GDPD5: variants seen among roughly 807,000 people sequenced by gnomAD.
GDPD5 encodes the protein glycerophosphodiester phosphodiesterase 2.
Under a neutral mutation model 75.1 loss-of-function variants are expected in GDPD5, and 48 were observed. The observed-to-expected ratio is 0.64, with a 90% CI of 0.51 to 0.81. The LOEUF is 0.81. GDPD5 is among the 40% of genes least tolerant of loss of function. The pLI, the probability that GDPD5 is intolerant of heterozygous loss-of-function variation, is 0.00. For synonymous variants in GDPD5, 336 were observed against 339.0 expected, an observed-to-expected ratio of 0.99 and a Z score of 0.10; for missense variants, 706 against 822.6, an observed-to-expected ratio of 0.86 and a Z score of 1.73.
At chr11:75,463,861 C>G (rs527813945) in intron 3 of GDPD5, among the ~76,000 whole-genome samples, 2 of 152,348 alleles carry the variant, frequency 1.3e-5, no homozygotes, top group African/African-American at 4.8e-5. Context: ...GCCACTGCCT[C>G]TGGGCTTGTT....
chr11:75,441,330 C>T lies in GDPD5; in HGVS notation c.1326-20G>A. ...TAGTCCCTGTGGGGCAGGGGAGAGG[C>T]AGGTCAGCATGCGGACCCTGGCAGC... On this transcript the variant is annotated intron_variant, in intron 13 of 16. Transcript: ENST00000336898. 6.2e-7 allele frequency: 1 copy of T among 1,613,880 alleles called. No homozygotes were observed. Among genetic ancestry groups the T allele is most frequent in the Non-Finnish European group, 8.5e-7 (1 of 1,179,898 alleles).
chr11:75,512,281 GACACACACACAC>G lies in GDPD5; in HGVS notation c.-145+12917_-145+12928del, dbSNP rs145862089. 4.9e-3 allele frequency among the ~76,000 whole-genome samples: 608 copies of G among 123,160 alleles called. 2 individuals carry two copies. The highest frequency in any genetic ancestry group is 0.016 in the African/African-American group (517 of 33,046). The allele number at this position is 123,160 out of a possible 152,430, so 80.8% of individuals were successfully genotyped here. ...CTGGTAGAAGCATGAAATTGGGAAG[GACACACACACAC>G]ACACACACACACACACACACACACA... On this transcript the variant is annotated intron_variant, in intron 1 of 16. Transcript: ENST00000336898.
At chr11:75,507,339 T>A (rs1950421859) in intron 1 of GDPD5, among the ~76,000 whole-genome samples, 1 of 152,234 alleles carries the variant, frequency 6.6e-6, no homozygotes, top group Non-Finnish European at 1.5e-5. Flanking sequence ...CCCCTCACCC[T>A]GCTTTGCTGT....
chr11:75,509,357 T>A (rs1950467735), intron 1 of GDPD5, among the ~76,000 whole-genome samples: 1 of 152,180 alleles, frequency 6.6e-6, no homozygotes, highest in Non-Finnish European at 1.5e-5. Flanking sequence ...CTGGCCTGTG[T>A]GTGCGACTTG....
In GDPD5 at chr11:75,486,292, C is replaced by G. The variant is rs7939450; in HGVS notation, c.-61+3945G>C. Among the ~76,000 whole-genome samples, 645 of 152,302 alleles carry G rather than the reference C, an allele frequency of 4.2e-3. 4 individuals carry two copies. Among genetic ancestry groups the G allele is most frequent in the African/African-American group, 0.015 (623 of 41,560 alleles). ...CACGACTAATCACTGGGCATCCTGA[C>G]AGTCACCCTCCTGGGACGCAGTTCA... On this transcript the variant is annotated intron_variant, in intron 2 of 16. Transcript: ENST00000336898.
chr11:75,492,730 T>C (rs537766999), intron 1 of GDPD5, among the ~76,000 whole-genome samples: 3 of 152,240 alleles, frequency 2.0e-5, no homozygotes, highest in African/African-American at 7.2e-5. Context: ...CAAGTGAATA[T>C]AGGGTTTTAT....
At chr11:75,496,328 C>T (rs927847082) in intron 1 of GDPD5, among the ~76,000 whole-genome samples, 17 of 152,234 alleles carry the variant, frequency 1.1e-4, no homozygotes, top group Admixed American at 2.6e-4. Context: ...CTCTTCCTGG[C>T]ATGTTTCACA....
intron 2 of GDPD5, among the ~76,000 whole-genome samples, chr11:75,486,646 C>G (rs1214311234): frequency 6.6e-6 from 1 of 152,180 alleles, no homozygotes; most frequent in East Asian, 1.9e-4. Flanking sequence ...ATGAAACCAC[C>G]TTAGCCCTGC....
intron 1 of GDPD5, among the ~76,000 whole-genome samples, chr11:75,507,449 G>C (rs543899642): frequency 1.3e-5 from 2 of 152,260 alleles, no homozygotes; most frequent in Non-Finnish European, 2.9e-5. Context: ...GTCACATAGA[G>C]AACTGGTGGC....
intron 1 of GDPD5, chr11:75,508,026 C>T (rs1460741406): frequency 1.3e-5 from 2 of 151,962 alleles, no homozygotes; most frequent in Non-Finnish European, 2.9e-5. Flanking sequence ...TCACAATGAG[C>T]CTGAGAATTA....
At chr11:75,521,475 G>A (rs1941453434) in intron 1 of GDPD5, among the ~76,000 whole-genome samples, 1 of 152,180 alleles carries the variant, frequency 6.6e-6, no homozygotes, top group African/African-American at 2.4e-5. Flanking sequence ...GATAACAGTA[G>A]CTACCTCAGG....
rs1276730285 is a variant in GDPD5 at position 75,474,601 on chromosome 11, G to A, written c.117+3018C>T. 2.0e-5 allele frequency among the ~76,000 whole-genome samples: 3 copies of A among 152,168 alleles called. No homozygotes were observed. In the East Asian group the frequency reaches 5.8e-4, roughly 29 times the overall value. On this transcript the variant is annotated intron_variant, in intron 3 of 16. Transcript: ENST00000336898. Reference sequence around the variant, plus strand: ...TCCTGCTTCTTTATTTGTTAAGCGTGTATCCTGGGGGACTGGGGGGCAAAG... The same window carrying A: ...TCCTGCTTCTTTATTTGTTAAGCGTATATCCTGGGGGACTGGGGGGCAAAG...
intron 1 of GDPD5, among the ~76,000 whole-genome samples, chr11:75,515,443 C>T (rs1169749141): frequency 6.6e-6 from 1 of 152,252 alleles, no homozygotes; most frequent in African/African-American, 2.4e-5. Flanking sequence ...ATCACAAGGC[C>T]TGGCAGCATT....
chr11:75,514,845 G>A (rs1031055589), intron 1 of GDPD5, among the ~76,000 whole-genome samples: 2 of 152,238 alleles, frequency 1.3e-5, no homozygotes, highest in African/African-American at 4.8e-5. Flanking sequence ...CATGATGAGG[G>A]CAACTGTAGC....
intron 1 of GDPD5, among the ~76,000 whole-genome samples, chr11:75,498,289 C>T (rs543913970): frequency 6.6e-6 from 1 of 152,178 alleles, no homozygotes; most frequent in African/African-American, 2.4e-5. Flanking sequence ...GGAAGGGCAA[C>T]CTGTTTATTT....
intron 9 of GDPD5, chr11:75,448,557 C>A: frequency 1.0e-6 from 1 of 991,628 alleles, no homozygotes; most frequent in Middle Eastern, 5.1e-4. Context: ...TTGATCCCTT[C>A]GTCTTTCTCC....
At chr11:75,443,736 C>T (rs1310231306) in intron 10 of GDPD5, among the ~76,000 whole-genome samples, 2 of 152,208 alleles carry the variant, frequency 1.3e-5, no homozygotes, top group African/African-American at 4.8e-5. Context: ...AAATTCCACC[C>T]AACCCCAATC....
At chr11:75,487,288 C>A (rs1350103259) in intron 2 of GDPD5, among the ~76,000 whole-genome samples, 1 of 152,236 alleles carries the variant, frequency 6.6e-6, no homozygotes, top group African/African-American at 2.4e-5. Context: ...CCTCTCTGGG[C>A]CTCAGAGAAA....
At chr11:75,473,722 T>G (rs557121664) in intron 3 of GDPD5, among the ~76,000 whole-genome samples, 151 of 152,288 alleles carry the variant, frequency 9.9e-4, no homozygotes, top group Non-Finnish European at 1.9e-3. Context: ...CCTGAGCCGG[T>G]GGACTGAATT....
Sources: gnomAD v4.1 joint callset for allele counts (sites outside exome capture counted in the v4.1 genomes callset) on GRCh38, gnomAD v4.1.1 for gene constraint, MANE v1.5 for transcripts, NCBI Gene and HGNC (gene_info 2026-07-23, HGNC 2026-07-21) for gene names.